The following MGST2 variants were observed in gnomAD, a reference collection of about 807,000 sequenced individuals.
The protein encoded by MGST2 is microsomal glutathione S-transferase 2, also known as glutathione peroxidase MGST2.
In MGST2, 9 loss-of-function variants were observed where a neutral mutation model predicts 16.6. That is an observed-to-expected ratio of 0.54 (90% CI 0.33 to 0.95). The LOEUF (loss-of-function observed/expected upper bound fraction) is 0.95. Among genes scored for constraint, MGST2 ranks in the 40% least tolerant of loss-of-function variants. The pLI, the probability that MGST2 is intolerant of heterozygous loss-of-function variation, is 0.03. For synonymous variants in MGST2, 79 were observed against 68.0 expected (o/e 1.16, Z -0.79); for missense variants, 159 against 175.1 (o/e 0.91, Z 0.52).
chr4:139,703,514 T>C lies in MGST2; in HGVS notation c.289T>C (p.Tyr97His), dbSNP rs1325429520. Residue 97 changes from tyrosine to histidine, a missense_variant, in exon 4 of 5, where the codon TAT (tyrosine) becomes CAT (histidine). Coordinates refer to ENST00000265498, the MANE Select transcript of MGST2 (RefSeq NM_002413.5). ...IYGRHLYFWG[Y>H]SEAAKKRITG... The stretch of plus-strand genomic sequence containing the variant: ...TGGCCGTCACCTATACTTCTGGGGA[T>C]ATTCAGAAGCTGCTAAAAAACGGTA... The C allele has an allele frequency of 6.2e-7, 1 of 1,613,954 alleles. No homozygotes were observed. The highest frequency in any genetic ancestry group is 8.5e-7 in the Non-Finnish European group (1 of 1,179,970).
the MGST2 span, among the ~76,000 whole-genome samples, chr4:139,751,518 G>T: frequency 1.3e-5 from 2 of 152,202 alleles, no homozygotes; most frequent in African/African-American, 4.8e-5. Flanking sequence ...ATGAGGTCAG[G>T]TGTGAAATTT....
intron 5 of MGST2, among the ~76,000 whole-genome samples, chr4:139,723,118 C>T (rs905533260): frequency 2.6e-5 from 4 of 152,138 alleles, no homozygotes; most frequent in Middle Eastern, 3.2e-3. Flanking sequence ...TATATGAGTG[C>T]GAAATAATTT....
intron 1 of MGST2, among the ~76,000 whole-genome samples, chr4:139,666,691 C>A (rs1286534348): frequency 6.6e-6 from 1 of 152,150 alleles, no homozygotes; most frequent in Non-Finnish European, 1.5e-5. Flanking sequence ...ATGGGAGTCA[C>A]ATTTGCTCAA....
chr4:139,695,140 A>ATGCTTCAG lies in MGST2; in HGVS notation c.159-54_159-47dup, dbSNP rs1726843679. 1.3e-5 allele frequency: 16 copies of ATGCTTCAG among 1,245,788 alleles called. No individual in the cohort carries two copies. In the South Asian group the frequency reaches 1.9e-4, roughly 15 times the overall value. 77.2% of individuals were successfully genotyped at this position (1,245,788 alleles called of 1,614,324 possible). ...ACATTTACCTCTAGATGAAAAATCA[A>ATGCTTCAG]TGCTTCAGTGTATACTTTTCTCATA... On this transcript the variant is annotated intron_variant, in intron 2 of 4. Transcript: ENST00000265498.
downstream of MGST2, among the ~76,000 whole-genome samples, chr4:139,745,331 A>G (rs1729287563): frequency 2.0e-5 from 3 of 152,166 alleles, no homozygotes; most frequent in Non-Finnish European, 4.4e-5. Flanking sequence ...TAAACGCTAA[A>G]TGCATTACTT....
intron 2 of MGST2, among the ~76,000 whole-genome samples, chr4:139,691,554 G>A (rs1233375357): frequency 6.6e-6 from 1 of 152,084 alleles, no homozygotes; most frequent in African/African-American, 2.4e-5. Context: ...GTGACAATTA[G>A]CAGGTAGAAT....
intron 5 of MGST2, chr4:139,730,833 A>T (rs2646080): frequency 3.1e-6 from 2 of 635,150 alleles, no homozygotes; most frequent in Non-Finnish European, 5.5e-6. Context: ...TTCAAACCCG[A>T]CCTTACCTGA....
chr4:139,731,329 T>C (rs1728701926), intron 5 of MGST2: 1 of 150,194 alleles, frequency 6.7e-6, no homozygotes, highest in Non-Finnish European at 1.5e-5. Flanking sequence ...CCGGGCGCGG[T>C]GTCTCACGCC....
intron 4 of MGST2, among the ~76,000 whole-genome samples, 188 bp from the exon 5 acceptor site, chr4:139,703,828 G>A (rs1727404749): frequency 6.6e-6 from 1 of 152,210 alleles, no homozygotes; most frequent in Non-Finnish European, 1.5e-5. Flanking sequence ...TGCTTTGAAT[G>A]TTCAAAGAAA....
chr4:139,668,334 T>C (rs1404353468), intron 1 of MGST2, among the ~76,000 whole-genome samples: 1 of 152,140 alleles, frequency 6.6e-6, no homozygotes, highest in Non-Finnish European at 1.5e-5. Flanking sequence ...GTTAATTCTC[T>C]CCTGGATCAG....
At chr4:139,728,932 C>A (rs548122456) in intron 5 of MGST2, among the ~76,000 whole-genome samples, 29 of 152,280 alleles carry the variant, frequency 1.9e-4, no homozygotes, top group Non-Finnish European at 1.9e-4. Context: ...CTCAAAACAT[C>A]AGGCACACCT....
At chr4:139,716,688 A>ATAAT (rs1727980293) in intron 5 of MGST2, 1 of 152,582 alleles carries the variant, frequency 6.6e-6, no homozygotes. Context: ...AAACCCAGGA[A>ATAAT]TAATATGTCT....
chr4:139,705,109 A>G (rs1003938184), downstream of MGST2, among the ~76,000 whole-genome samples: 2 of 152,096 alleles, frequency 1.3e-5, no homozygotes, highest in South Asian at 2.1e-4. Flanking sequence ...CCTCCAACAC[A>G]TGGGCTCAAG....
intron 5 of MGST2, chr4:139,730,456 T>C (rs979952473): frequency 1.3e-6 from 2 of 1,533,960 alleles, no homozygotes. Flanking sequence ...CTGCTGCTGC[T>C]GCCTTTGCTC....
At chr4:139,667,017 G>T (rs958314144) in intron 1 of MGST2, among the ~76,000 whole-genome samples, 21 of 152,200 alleles carry the variant, frequency 1.4e-4, no homozygotes, top group African/African-American at 4.3e-4. Flanking sequence ...AGAAGAGCAG[G>T]ATATTTGTTT....
intron 5 of MGST2, among the ~76,000 whole-genome samples, chr4:139,710,826 A>T (rs1727709606): frequency 6.6e-6 from 1 of 152,152 alleles, no homozygotes; most frequent in African/African-American, 2.4e-5. Context: ...GTTTTGAAAC[A>T]TGTTGTGATA....
chr4:139,743,277 T>C (rs148232802), downstream of MGST2, among the ~76,000 whole-genome samples: 2 of 152,230 alleles, frequency 1.3e-5, no homozygotes, highest in Non-Finnish European at 2.9e-5. Context: ...GGGTGATTAA[T>C]GCTGGAGTAG....
intron 5 of MGST2, among the ~76,000 whole-genome samples, chr4:139,727,048 G>A (rs559971123): frequency 1.3e-5 from 2 of 152,254 alleles, no homozygotes; most frequent in African/African-American, 4.8e-5. Context: ...TCTTTAGAGT[G>A]TTCATTATAA....
intron 2 of MGST2, among the ~76,000 whole-genome samples, chr4:139,684,766 C>T (rs8192077): frequency 1.3e-5 from 2 of 152,272 alleles, no homozygotes; most frequent in African/African-American, 2.4e-5. Context: ...GAAGGTTTTT[C>T]GACTGTGCAG....
Sources: gnomAD v4.1 joint callset for allele counts (sites outside exome capture counted in the v4.1 genomes callset) on GRCh38, gnomAD v4.1.1 for gene constraint, MANE v1.5 for transcripts, NCBI Gene and HGNC (gene_info 2026-07-23, HGNC 2026-07-21) for gene names.